Variants in CCDC85A observed in about 807,000 individuals in gnomAD.
CCDC85A encodes coiled-coil domain-containing protein 85A.
CCDC85A carries 38 observed loss-of-function variants against 50.2 expected under a neutral mutation model. That is an observed-to-expected ratio of 0.76 (90% confidence interval 0.58 to 0.99). The LOEUF is 0.99. Among genes scored for constraint, CCDC85A ranks in the 50% least tolerant of loss-of-function variants. The pLI is 0.00. For missense variants in CCDC85A, 820 were observed against 742.0 expected (o/e 1.11, Z -1.22); for synonymous variants, 366 against 301.4 (o/e 1.21, Z -2.22).
At chr2:56,198,128 T>G (rs1432467229) in intron 2 of CCDC85A, among the ~76,000 whole-genome samples, 1 of 152,232 alleles carries the variant, frequency 6.6e-6, no homozygotes, top group Non-Finnish European at 1.5e-5. Flanking sequence ...TGGCCTTGTC[T>G]ATGAGGGGTC....
chr2:56,316,185 C>T (rs1248977589), intron 2 of CCDC85A, among the ~76,000 whole-genome samples: 1 of 152,148 alleles, frequency 6.6e-6, no homozygotes, highest in Non-Finnish European at 1.5e-5. Context: ...TGGCAGTTTT[C>T]ATGTGGAATC....
intron 4 of CCDC85A, 23 bp downstream of exon 4, chr2:56,372,501 G>T (rs1340933286): frequency 6.4e-7 from 1 of 1,566,768 alleles, no homozygotes. Context: ...GAGTCAGCTG[G>T]ATGCATTTGC....
intron 2 of CCDC85A, among the ~76,000 whole-genome samples, chr2:56,279,262 T>C (rs922132314): frequency 1.3e-5 from 2 of 152,228 alleles, no homozygotes; most frequent in Non-Finnish European, 2.9e-5. Context: ...AAAAATTTTA[T>C]GGAGTTATAA....
intron 2 of CCDC85A, among the ~76,000 whole-genome samples, chr2:56,232,498 G>C (rs1452122136): frequency 1.3e-5 from 2 of 152,124 alleles, no homozygotes; most frequent in Non-Finnish European, 1.5e-5. Context: ...CCTCTGTGCT[G>C]TTCTTGTGAT....
At chr2:56,335,100 A>T (rs916035725) in intron 2 of CCDC85A, among the ~76,000 whole-genome samples, 3 of 152,056 alleles carry the variant, frequency 2.0e-5, no homozygotes, top group African/African-American at 4.8e-5. Context: ...GTTCCAACAA[A>T]TTTTTTTTAA....
At chr2:56,261,452 T>A (rs577515599) in intron 2 of CCDC85A, among the ~76,000 whole-genome samples, 1 of 152,342 alleles carries the variant, frequency 6.6e-6, no homozygotes, top group East Asian at 1.9e-4. Context: ...AAGATTGTTC[T>A]CATTTAAGCC....
At chr2:56,364,977 C>T (rs1050261246) in intron 3 of CCDC85A, among the ~76,000 whole-genome samples, 9 of 152,216 alleles carry the variant, frequency 5.9e-5, no homozygotes, top group African/African-American at 2.2e-4. Flanking sequence ...GTTTCTGTTA[C>T]ATCTGTGGCT....
At chr2:56,327,069 G>C (rs2104280847) in intron 2 of CCDC85A, among the ~76,000 whole-genome samples, 1 of 152,144 alleles carries the variant, frequency 6.6e-6, no homozygotes, top group Non-Finnish European at 1.5e-5. Context: ...AATATTTTCT[G>C]CTTTCCCAAG....
chr2:56,351,696 G>T (rs1465122252), intron 3 of CCDC85A, among the ~76,000 whole-genome samples: 2 of 147,850 alleles, frequency 1.4e-5, no homozygotes, highest in African/African-American at 2.6e-5. Context: ...TTTTGATGGG[G>T]TTGTTTGTTT....
intron 5 of CCDC85A, among the ~76,000 whole-genome samples, chr2:56,377,708 G>T (rs1426523750): frequency 1.5e-4 from 23 of 152,030 alleles, no homozygotes; most frequent in Non-Finnish European, 4.4e-5. Flanking sequence ...CCAACATAGT[G>T]AAACCCTGTC....
chr2:56,194,700 A>G (rs965795989), intron 2 of CCDC85A, among the ~76,000 whole-genome samples: 1 of 152,360 alleles, frequency 6.6e-6, no homozygotes, highest in East Asian at 1.9e-4. Context: ...CACAAGTGGA[A>G]ATAAAAAGGT....
At chr2:56,279,004 A>G (rs1671085244) in intron 2 of CCDC85A, among the ~76,000 whole-genome samples, 1 of 152,244 alleles carries the variant, frequency 6.6e-6, no homozygotes, top group Admixed American at 6.5e-5. Flanking sequence ...ACTACTGCCA[A>G]GGATCAACAT....
At chr2:56,361,170 C>T (rs1384741709) in intron 3 of CCDC85A, among the ~76,000 whole-genome samples, 4 of 151,952 alleles carry the variant, frequency 2.6e-5, no homozygotes, top group Admixed American at 6.6e-5. Context: ...AGGAGAATGG[C>T]GCGAACCCAG....
intron 3 of CCDC85A, among the ~76,000 whole-genome samples, chr2:56,371,309 A>G (rs1454417806): frequency 6.6e-6 from 1 of 151,994 alleles, no homozygotes; most frequent in Non-Finnish European, 1.5e-5. Context: ...ACCATGGTGC[A>G]TTTTCTTTTT....
At chr2:56,285,362 C>T (rs1386044771) in intron 2 of CCDC85A, among the ~76,000 whole-genome samples, 1 of 150,308 alleles carries the variant, frequency 6.7e-6, no homozygotes, top group Non-Finnish European at 1.5e-5. Context: ...CCTTGGCCTC[C>T]CAGAGTGCTG....
chr2:56,247,330 T>C (rs190606441), intron 2 of CCDC85A, among the ~76,000 whole-genome samples: 3 of 152,350 alleles, frequency 2.0e-5, no homozygotes, highest in South Asian at 4.1e-4. Context: ...TTAATACTTA[T>C]CTAGATTGCA....
intron 2 of CCDC85A, among the ~76,000 whole-genome samples, chr2:56,317,440 T>C (rs1672972784): frequency 6.6e-6 from 1 of 152,146 alleles, no homozygotes; most frequent in Non-Finnish European, 1.5e-5. Context: ...CCATTTTTCA[T>C]AAATATTAAT....
intron 2 of CCDC85A, among the ~76,000 whole-genome samples, chr2:56,296,358 C>A (rs1420003438): frequency 2.0e-5 from 3 of 152,146 alleles, no homozygotes; most frequent in Admixed American, 1.3e-4. Context: ...AACATACCTA[C>A]TGAAAAGTTT....
chr2:56,259,026 G>T (rs2104015991), intron 2 of CCDC85A, among the ~76,000 whole-genome samples: 1 of 152,276 alleles, frequency 6.6e-6, no homozygotes. Context: ...GGACCACCTT[G>T]AAGGCACAGG....
Sources: allele counts gnomAD v4.1 joint callset (sites outside exome capture counted in the v4.1 genomes callset), GRCh38; gene constraint gnomAD v4.1.1; transcripts MANE v1.5; gene names NCBI Gene and HGNC (gene_info 2026-07-23, HGNC 2026-07-21).